The following ABR variants were observed in gnomAD, a reference collection of about 807,000 sequenced individuals.
ABR encodes the protein ABR activator of RhoGEF and GTPase.
A neutral mutation model predicts 107.2 loss-of-function variants in ABR; 35 were observed. The ratio of observed to expected loss-of-function variants is 0.33; its 90% confidence interval spans 0.25 to 0.43. ABR has a LOEUF of 0.43. Ranked by LOEUF, ABR falls within the 20% of genes least tolerant of loss-of-function variation. The pLI, the probability that ABR is intolerant of heterozygous loss-of-function variation, is 1.00. For synonymous variants in ABR, 498 were observed against 462.0 expected (o/e 1.08, Z -1.00); for missense variants, 815 against 1,115.2 (o/e 0.73, Z 3.83).
rs541379613 is a variant in ABR at position 1,211,273 on chromosome 17, C to T, written c.838+17520G>A. Among the ~76,000 whole-genome samples the T allele has an allele frequency of 1.1e-4, 17 of 151,508 alleles. No homozygotes were observed. The South Asian group carries it at 1.7e-3, about 15-fold the overall frequency. The stretch of plus-strand genomic sequence containing the variant: ...CAGCCTGGGCGACAGAGTGAGGCTC[C>T]GTCTCAAAAAAATGAATAAATAAAT... On this transcript the variant is annotated intron_variant, in intron 1 of 22. Transcript: ENST00000574139.
intron 1 of ABR, among the ~76,000 whole-genome samples, chr17:1,158,498 C>T (rs2041131752): frequency 6.6e-6 from 1 of 151,888 alleles, no homozygotes. Flanking sequence ...TGCGGTGGCT[C>T]ACACCTGTAA....
intron 1 of ABR, among the ~76,000 whole-genome samples, chr17:1,164,671 A>T (rs1049803510): frequency 3.3e-5 from 5 of 152,124 alleles, no homozygotes; most frequent in African/African-American, 1.2e-4. Context: ...GGATATACTT[A>T]CTTTTCTTTT....
At chr17:1,138,537 G>T (rs1310635803) in intron 1 of ABR, among the ~76,000 whole-genome samples, 1 of 151,968 alleles carries the variant, frequency 6.6e-6, no homozygotes, top group African/African-American at 2.4e-5. Context: ...GAGTGCAGTG[G>T]CACAAACATA....
chr17:1,009,913 CAGGGG>C (rs1158731675), intron 20 of ABR, 129 bp from the exon 21 acceptor site: 11 of 755,848 alleles, frequency 1.5e-5, no homozygotes, highest in African/African-American at 1.2e-4. Context: ...GCAGACCCCA[CAGGGG>C]AGGGCCTGGT....
intron 1 of ABR, among the ~76,000 whole-genome samples, chr17:1,158,588 C>T (rs781606727): frequency 4.6e-5 from 7 of 151,694 alleles, no homozygotes; most frequent in Non-Finnish European, 8.8e-5. Flanking sequence ...CATGATGAAA[C>T]CTTGTCTGTA....
At chr17:1,047,699 T>A (rs2031839809) in intron 16 of ABR, among the ~76,000 whole-genome samples, 3 of 152,230 alleles carry the variant, frequency 2.0e-5, no homozygotes, top group South Asian at 2.1e-4. Context: ...AACATTTTCC[T>A]TACCAGACTC....
At chr17:1,101,984 T>C (rs8080961) in intron 2 of ABR, among the ~76,000 whole-genome samples, 80,349 of 151,808 alleles carry the variant, frequency 0.53, 21,328 homozygotes, top group South Asian at 0.58. Context: ...CCGCCCGCCT[T>C]GGCCTCCCAA....
intron 1 of ABR, among the ~76,000 whole-genome samples, chr17:1,224,544 T>C (rs1249531984): frequency 6.6e-6 from 1 of 152,126 alleles, no homozygotes; most frequent in African/African-American, 2.4e-5. Context: ...ATGAGTGTGA[T>C]TGCTGGTGGA....
chr17:1,090,138 G>A (rs1229272693), intron 4 of ABR, among the ~76,000 whole-genome samples: 2 of 152,156 alleles, frequency 1.3e-5, no homozygotes, highest in Non-Finnish European at 2.9e-5. Flanking sequence ...ACGAGAGGGG[G>A]AAGGACGTTT....
At chr17:1,110,498 CTTA>C (rs905097839) in intron 2 of ABR, among the ~76,000 whole-genome samples, 11 of 152,174 alleles carry the variant, frequency 7.2e-5, no homozygotes, top group Admixed American at 2.6e-4. Flanking sequence ...TAAAATCTGG[CTTA>C]TTAACAGGAA....
At position 1,050,125 on chromosome 17, in the gene ABR, C is replaced by A; in HGVS notation, c.1716G>T (p.Lys572Asn). 6.2e-7 allele frequency: 1 copy of A among 1,614,142 alleles called. No homozygotes were observed. The highest frequency in any genetic ancestry group is 8.5e-7 in the Non-Finnish European group (1 of 1,180,030). The change falls in exon 16 of 23, where the codon AAG becomes AAT. Residue 572 changes from lysine to asparagine, a missense_variant. Lys to Asn is a moderately conservative substitution (Grantham distance 94, BLOSUM62 0). Around this residue, in one of 5 missense-constraint regions of ABR, gnomAD observed 92 missense variants for 82.3 expected, o/e 1.12. Coordinates refer to ENST00000302538, the MANE Select transcript of ABR (RefSeq NM_021962.5). This position sits in a 1 kb window ranked among gnomAD's most constrained non-coding sequence, Gnocchi z 4.6. ...TGTTGACCTTGGTCTTGTCATAGCA[C>A]TTCTCATAGCACAGGATCCTCAGGG... ...SQSLRILCYEKCYDKTKVNKD... is the reference protein window; with the variant it reads ...SQSLRILCYENCYDKTKVNKD...
intron 1 of ABR, among the ~76,000 whole-genome samples, chr17:1,153,367 C>A (rs2040879512): frequency 6.7e-6 from 1 of 148,536 alleles, no homozygotes; most frequent in Non-Finnish European, 1.5e-5. Context: ...GCAGATGGCA[C>A]ACCTGCGGGA....
chr17:1,042,286 C>T (rs905238874), intron 16 of ABR, among the ~76,000 whole-genome samples: 5 of 151,156 alleles, frequency 3.3e-5, no homozygotes, highest in South Asian at 2.1e-4. Context: ...CCTACATCCG[C>T]GGATGGATGG....
chr17:1,095,659 G>A (rs577697115), intron 3 of ABR, among the ~76,000 whole-genome samples: 3 of 152,330 alleles, frequency 2.0e-5, no homozygotes, highest in East Asian at 1.9e-4. Flanking sequence ...GAGAGGACCC[G>A]TGAGTGACTT....
At chr17:1,165,365 A>G (rs1007477078) in intron 1 of ABR, among the ~76,000 whole-genome samples, 1 of 152,220 alleles carries the variant, frequency 6.6e-6, no homozygotes, top group African/African-American at 2.4e-5. Flanking sequence ...GAGGAGGTGC[A>G]AGAGAGGGCT....
chr17:1,212,212 C>G (rs889698493), intron 1 of ABR, among the ~76,000 whole-genome samples: 3 of 148,594 alleles, frequency 2.0e-5, no homozygotes, highest in African/African-American at 2.5e-5. Flanking sequence ...GAAGATCTCT[C>G]GAGTCTGGGA....
chr17:1,124,436 C>T (rs1002054498), intron 2 of ABR, among the ~76,000 whole-genome samples: 11 of 152,216 alleles, frequency 7.2e-5, no homozygotes, highest in African/African-American at 2.7e-4. Flanking sequence ...TCTTCTCCCC[C>T]ACCAGCTCCA....
intron 16 of ABR, among the ~76,000 whole-genome samples, chr17:1,034,642 GCTTTA>G: frequency 6.6e-6 from 1 of 152,082 alleles, no homozygotes; most frequent in Non-Finnish European, 1.5e-5. Context: ...CTGGGTCCCA[GCTTTA>G]CTCTACCTCC....
chr17:1,159,251 G>A (rs1282755808), intron 1 of ABR, among the ~76,000 whole-genome samples: 4 of 143,548 alleles, frequency 2.8e-5, no homozygotes, highest in Admixed American at 7.0e-5. Flanking sequence ...CTCACACACG[G>A]GAGAAGTAGG....
Sources: allele counts gnomAD v4.1 joint callset (sites outside exome capture counted in the v4.1 genomes callset), GRCh38; gene constraint gnomAD v4.1.1; regional missense constraint gnomAD v4.1.1; non-coding constraint Gnocchi (gnomAD v3.1); transcripts MANE v1.5; gene names NCBI Gene and HGNC (gene_info 2026-07-23, HGNC 2026-07-21).